Variants in SDK1 observed in about 807,000 individuals in gnomAD.
SDK1 encodes the protein sidekick cell adhesion molecule 1, also known as protein sidekick-1.
Under a neutral mutation model 245.5 loss-of-function variants are expected in SDK1, and 157 were observed. The observed-to-expected ratio is 0.64, with a 90% CI of 0.56 to 0.73. The LOEUF (loss-of-function observed/expected upper bound fraction) is 0.73. Ranked by LOEUF, SDK1 falls within the 30% of genes least tolerant of loss-of-function variation. SDK1 has a pLI of 0.00. For synonymous variants in SDK1, 1,647 were observed against 1,278.5 expected (o/e 1.29, Z -6.15); for missense variants, 3,583 against 3,002.3 (o/e 1.19, Z -4.52).
intron 14 of SDK1, among the ~76,000 whole-genome samples, chr7:3,999,257 C>T (rs1784898827): frequency 6.6e-6 from 1 of 152,182 alleles, no homozygotes; most frequent in Non-Finnish European, 1.5e-5. Context: ...GTACAGAGCA[C>T]AGTCAGTTCA....
intron 4 of SDK1, among the ~76,000 whole-genome samples, chr7:3,684,852 C>G (rs1282670886): frequency 6.6e-6 from 1 of 152,028 alleles, no homozygotes; most frequent in African/African-American, 2.4e-5. Context: ...ATAAAATACT[C>G]ATTAGATGGG....
At chr7:4,150,424 G>A (rs536149086) in intron 30 of SDK1, among the ~76,000 whole-genome samples, 2 of 152,352 alleles carry the variant, frequency 1.3e-5, no homozygotes, top group South Asian at 2.1e-4. Flanking sequence ...GTTGTCTCCA[G>A]GCTGGCCGAG....
At chr7:3,613,190 G>C (rs144735006) in intron 1 of SDK1, among the ~76,000 whole-genome samples, 1 of 152,112 alleles carries the variant, frequency 6.6e-6, no homozygotes, top group Admixed American at 6.6e-5. Context: ...TCCATCGCAA[G>C]ACCCCCTTTC....
At chr7:3,941,064 C>T (rs1009476186) in intron 5 of SDK1, among the ~76,000 whole-genome samples, 3 of 152,006 alleles carry the variant, frequency 2.0e-5, no homozygotes, top group Admixed American at 6.5e-5. Flanking sequence ...TCCCAGACCC[C>T]CGTCTGTCTC....
intron 29 of SDK1, among the ~76,000 whole-genome samples, chr7:4,149,048 C>T (rs1286202045): frequency 3.5e-5 from 5 of 142,168 alleles, no homozygotes; most frequent in African/African-American, 5.8e-5. Context: ...GAGTGAGACT[C>T]TGTCTCAAAA....
At chr7:3,914,530 A>G (rs1453061732) in intron 5 of SDK1, among the ~76,000 whole-genome samples, 1 of 152,224 alleles carries the variant, frequency 6.6e-6, no homozygotes. Context: ...TTGCTGCACA[A>G]ACATGGTCTA....
At chr7:4,240,568 G>C (rs370449858) in intron 42 of SDK1, among the ~76,000 whole-genome samples, 5 of 152,130 alleles carry the variant, frequency 3.3e-5, no homozygotes, top group Admixed American at 1.3e-4. Context: ...CACGTCAAAG[G>C]GGGGCCAGGT....
Position 4,113,936 on chromosome 7 carries a change from C to A in SDK1, c.3586-101C>A, listed in dbSNP as rs144249905. 6 of 839,154 alleles carry A rather than the reference C, an allele frequency of 7.2e-6. No individual in the cohort carries two copies. In the African/African-American group the frequency reaches 1.0e-4, roughly 14 times the overall value. The allele number at this position is 839,154 out of a possible 1,614,324, so 52.0% of individuals were successfully genotyped here. ...AAGACTATTTCCCCCAGGAACACCT[C>A]CTCCACGGAGTTGGCCTCACAGGGC... On this transcript the variant is annotated intron_variant, in intron 24 of 44. Transcript: ENST00000404826.
chr7:3,848,049 A>C (rs543619342), intron 5 of SDK1, among the ~76,000 whole-genome samples: 1 of 152,278 alleles, frequency 6.6e-6, no homozygotes, highest in Non-Finnish European at 1.5e-5. Flanking sequence ...GCACATACAC[A>C]TACAAACCGT....
intron 1 of SDK1, among the ~76,000 whole-genome samples, chr7:3,616,356 G>A (rs1051465585): frequency 1.3e-5 from 2 of 152,222 alleles, no homozygotes; most frequent in Non-Finnish European, 2.9e-5. Context: ...ACCAGAACAC[G>A]TGTGGCCCTG....
At chr7:3,503,193 T>C (rs971254004) in intron 1 of SDK1, among the ~76,000 whole-genome samples, 1 of 152,176 alleles carries the variant, frequency 6.6e-6, no homozygotes, top group Non-Finnish European at 1.5e-5. Context: ...TCAAGGTTTT[T>C]AAGAATTTGT....
intron 5 of SDK1, among the ~76,000 whole-genome samples, chr7:3,932,665 G>A (rs528825536): frequency 6.6e-6 from 1 of 152,204 alleles, no homozygotes; most frequent in African/African-American, 2.4e-5. Context: ...AAAGAGATGG[G>A]AAAACAGAAG....
intron 14 of SDK1, among the ~76,000 whole-genome samples, chr7:4,009,545 C>T (rs565545943): frequency 1.3e-5 from 2 of 152,322 alleles, no homozygotes; most frequent in South Asian, 2.1e-4. Context: ...AGAGGGGGAT[C>T]CTCATCAGCT....
At chr7:3,929,027 A>G (rs1779880614) in intron 5 of SDK1, among the ~76,000 whole-genome samples, 1 of 152,234 alleles carries the variant, frequency 6.6e-6, no homozygotes, top group Non-Finnish European at 1.5e-5. Context: ...CAGTGTCACC[A>G]GAGGACACAT....
At chr7:3,601,724 C>T (rs1252619271) in intron 1 of SDK1, among the ~76,000 whole-genome samples, 4 of 151,564 alleles carry the variant, frequency 2.6e-5, no homozygotes, top group Non-Finnish European at 4.4e-5. Flanking sequence ...ATGTGCACAA[C>T]GTGCAGGTTT....
chr7:3,726,669 G>A (rs1779017334), intron 4 of SDK1, among the ~76,000 whole-genome samples: 1 of 152,222 alleles, frequency 6.6e-6, no homozygotes. Flanking sequence ...TAAAAGGTGG[G>A]TAGTGGGAAC....
intron 14 of SDK1, among the ~76,000 whole-genome samples, chr7:3,987,863 C>T (rs1337131738): frequency 6.6e-6 from 1 of 152,172 alleles, no homozygotes; most frequent in African/African-American, 2.4e-5. Flanking sequence ...GCCAAGCCCT[C>T]CTTCCCTTCT....
chr7:3,930,569 A>T (rs1779942217), intron 5 of SDK1, among the ~76,000 whole-genome samples: 1 of 152,232 alleles, frequency 6.6e-6, no homozygotes, highest in African/African-American at 2.4e-5. Context: ...AGAGACTGAA[A>T]ATCCTGGCAT....
intron 1 of SDK1, among the ~76,000 whole-genome samples, chr7:3,348,228 G>A (rs1281548831): frequency 1.3e-5 from 2 of 152,130 alleles, no homozygotes; most frequent in African/African-American, 4.8e-5. Flanking sequence ...CTTGATAACT[G>A]TGTGATCCGA....
Sources: gnomAD v4.1 joint callset for allele counts (sites outside exome capture counted in the v4.1 genomes callset) on GRCh38, gnomAD v4.1.1 for gene constraint, MANE v1.5 for transcripts, NCBI Gene and HGNC (gene_info 2026-07-23, HGNC 2026-07-21) for gene names.